EIF3L: variants seen among roughly 807,000 people sequenced by gnomAD.
EIF3L encodes eukaryotic translation initiation factor 3 subunit L.
In EIF3L, 32 loss-of-function variants were observed where a neutral mutation model predicts 74.6. The ratio of observed to expected loss-of-function variants is 0.43; its 90% CI spans 0.32 to 0.58. The LOEUF (loss-of-function observed/expected upper bound fraction) is 0.58. Ranked by LOEUF, EIF3L falls within the 20% of genes least tolerant of loss-of-function variation. The probability of loss-of-function intolerance (pLI) is 0.06; values close to 1 mark genes in which losing one functional copy is unlikely to be tolerated. For missense variants in EIF3L, 474 were observed against 707.8 expected, an observed-to-expected ratio of 0.67 and a Z score of 3.75; for synonymous variants, 256 against 254.4, an observed-to-expected ratio of 1.01 and a Z score of -0.06.
intron 8 of EIF3L, among the ~76,000 whole-genome samples, chr22:37,871,620 C>T (rs1926473316): frequency 6.6e-6 from 1 of 152,144 alleles, no homozygotes; most frequent in Non-Finnish European, 1.5e-5. Flanking sequence ...ATTATCCTGG[C>T]ATTTTGGGAG....
chr22:37,859,767 G>A (rs568093687), intron 5 of EIF3L, among the ~76,000 whole-genome samples: 11 of 152,080 alleles, frequency 7.2e-5, no homozygotes, highest in Admixed American at 3.3e-4. Flanking sequence ...AGCACTTTGG[G>A]AGGCTAAGGG....
At chr22:37,864,140 T>C (rs1439077484) in intron 7 of EIF3L, among the ~76,000 whole-genome samples, 3 of 151,956 alleles carry the variant, frequency 2.0e-5, no homozygotes, top group Non-Finnish European at 4.4e-5. Context: ...TACTGCAGCC[T>C]AGAACTCCTG....
intron 5 of EIF3L, among the ~76,000 whole-genome samples, chr22:37,859,079 G>A (rs1167992673): frequency 2.0e-5 from 3 of 151,482 alleles, no homozygotes; most frequent in Non-Finnish European, 4.4e-5. Flanking sequence ...TCCCTTCAGA[G>A]CATTGAGCCT....
chr22:37,870,744 ATC>A (rs1241710675), intron 8 of EIF3L, among the ~76,000 whole-genome samples: 1 of 151,864 alleles, frequency 6.6e-6, no homozygotes, highest in Non-Finnish European at 1.5e-5. Context: ...ATTTTTGCAG[ATC>A]TCTCTGTCTG....
intron 11 of EIF3L, chr22:37,883,907 C>G (rs562769669): frequency 5.4e-5 from 8 of 147,804 alleles, no homozygotes; most frequent in African/African-American, 2.0e-4. Context: ...GAGTGAGACC[C>G]TGTCTCCATA....
intron 7 of EIF3L, among the ~76,000 whole-genome samples, chr22:37,867,434 A>G (rs1926209953): frequency 6.6e-6 from 1 of 151,946 alleles, no homozygotes; most frequent in Non-Finnish European, 1.5e-5. Context: ...CAAGGCGGGC[A>G]GATCACTTGA....
intron 11 of EIF3L, chr22:37,884,633 G>T (rs1028719254): frequency 1.3e-5 from 2 of 152,108 alleles, no homozygotes; most frequent in African/African-American, 4.8e-5. Context: ...TTTAAATCAT[G>T]CTTTTATAAA....
At chr22:37,849,987 G>T (rs1348141923) in intron 1 of EIF3L, 28 bp from the exon 2 acceptor site, 1 of 1,613,386 alleles carries the variant, frequency 6.2e-7, no homozygotes, top group African/African-American at 1.3e-5. Context: ...CTTGGCGGCT[G>T]TCCTTGACTG....
intron 11 of EIF3L, chr22:37,882,729 G>C (rs192989320): frequency 1.3e-5 from 2 of 152,036 alleles, no homozygotes; most frequent in Middle Eastern, 3.4e-3. Context: ...TAAGCCGGGC[G>C]CGTTGGTTCA....
intron 7 of EIF3L, 94 bp from the exon 8 acceptor site, chr22:37,870,082 A>G (rs538024163): frequency 2.8e-4 from 322 of 1,163,834 alleles, no homozygotes; most frequent in Non-Finnish European, 3.8e-4. Flanking sequence ...TGCCCCATCC[A>G]GAGCCAGAGC....
chr22:37,881,126 C>G (rs1482246346), intron 11 of EIF3L: 2 of 152,244 alleles, frequency 1.3e-5, no homozygotes, highest in Non-Finnish European at 2.9e-5. Context: ...ACACAAGCAA[C>G]ATAGCAGTAG....
rs560992801 is a variant in EIF3L at position 37,876,169 on chromosome 22, C to A, written c.1077+158C>A. ...TCTGTGATTGTGCCTACTAATAGATCACCCAGCTGGAGTGCAGTGACGCAG... is the reference window on the plus strand; with the variant it reads ...TCTGTGATTGTGCCTACTAATAGATAACCCAGCTGGAGTGCAGTGACGCAG... On this transcript the variant is annotated intron_variant, in intron 10 of 12. Coordinates refer to ENST00000652021, the MANE Select transcript of EIF3L (RefSeq NM_016091.4). 13 of 736,504 alleles carry A rather than the reference C, an allele frequency of 1.8e-5. No homozygotes were observed. In the African/African-American group the frequency reaches 2.1e-4, roughly 12 times the overall value. 45.6% of individuals were successfully genotyped at this position (736,504 alleles called of 1,614,324 possible).
intron 7 of EIF3L, among the ~76,000 whole-genome samples, chr22:37,867,965 A>AG (rs1926246158): frequency 6.6e-6 from 1 of 151,496 alleles, no homozygotes; most frequent in Non-Finnish European, 1.5e-5. Context: ...AAAAAAAAAA[A>AG]AAAAAGAAAA....
chr22:37,851,218 AT>A, intron 2 of EIF3L, 61 bp from the exon 3 acceptor site: 1 of 1,473,274 alleles, frequency 6.8e-7, no homozygotes, highest in Non-Finnish European at 9.4e-7. Flanking sequence ...TGGTCTTGCC[AT>A]TTCGTTCTAT....
At chr22:37,885,712 C>T (rs1176775529) in intron 11 of EIF3L, 3 of 147,262 alleles carry the variant, frequency 2.0e-5, no homozygotes, top group African/African-American at 5.0e-5. Flanking sequence ...GACGCAGTCT[C>T]GGCTCACTGC....
At chr22:37,860,742 A>G (rs1276457267) in intron 5 of EIF3L, among the ~76,000 whole-genome samples, 1 of 152,058 alleles carries the variant, frequency 6.6e-6, no homozygotes, top group Non-Finnish European at 1.5e-5. Flanking sequence ...AGTCATTATC[A>G]TCTCTTCCCT....
At chr22:37,875,313 G>A (rs978920168) in intron 9 of EIF3L, among the ~76,000 whole-genome samples, 4 of 151,328 alleles carry the variant, frequency 2.6e-5, no homozygotes, top group African/African-American at 9.7e-5. Flanking sequence ...GGGAGGCAGA[G>A]GTTGCAGTGA....
intron 11 of EIF3L, chr22:37,878,549 C>G (rs562173482): frequency 1.2e-5 from 2 of 161,656 alleles, no homozygotes; most frequent in Non-Finnish European, 2.7e-5. Context: ...CCGCAACCTC[C>G]GCCTCCCAGG....
At chr22:37,871,204 T>G (rs1186932477) in intron 8 of EIF3L, 3 of 152,240 alleles carry the variant, frequency 2.0e-5, no homozygotes, top group East Asian at 1.9e-4. Context: ...AGACAGGGTG[T>G]CGCTGTGTCA....
Sources: allele counts gnomAD v4.1 joint callset (sites outside exome capture counted in the v4.1 genomes callset), GRCh38; gene constraint gnomAD v4.1.1; transcripts MANE v1.5; gene names NCBI Gene and HGNC (gene_info 2026-07-23, HGNC 2026-07-21).